Variants in REEP5 observed in about 807,000 individuals in gnomAD.
REEP5 encodes the protein receptor accessory protein 5, also known as receptor expression-enhancing protein 5.
In REEP5, 24 loss-of-function variants were observed where a neutral mutation model predicts 22.4. The observed-to-expected ratio is 1.07, with a 90% confidence interval of 0.78 to 1.51. The LOEUF is 1.51. Ranked by LOEUF, REEP5 falls within the 40% of genes most tolerant of loss-of-function variation. The pLI is 0.00. For synonymous variants in REEP5, 103 were observed against 88.6 expected (o/e 1.16, Z -0.92); for missense variants, 252 against 233.0 (o/e 1.08, Z -0.53).
chr5:112,893,077 TA>T, intron 3 of REEP5: 1 of 797,482 alleles, frequency 1.3e-6, no homozygotes. Flanking sequence ...CCAATCCAAA[TA>T]AACTAGTTTT....
chr5:112,880,116 A>G (rs1176595037), intron 4 of REEP5, among the ~76,000 whole-genome samples: 2 of 152,170 alleles, frequency 1.3e-5, no homozygotes, highest in Non-Finnish European at 2.9e-5. Flanking sequence ...TACATTCATC[A>G]AGAAAACATT....
At position 112,891,382 on chromosome 5, in the gene REEP5, T is replaced by G. The variant is rs145871305; in HGVS notation, c.352-4199A>C. ...GCCACCGCACCTGGCCATAAGTAAA[T>G]ATTTTAGAACTCTCCTTTTAGTACA... On this transcript the variant is annotated intron_variant, in intron 3 of 4. Coordinates refer to ENST00000379638, the MANE Select transcript of REEP5 (RefSeq NM_005669.5). Among the ~76,000 whole-genome samples, 620 of 152,214 alleles carry G rather than the reference T, an allele frequency of 4.1e-3. 2 individuals carry two copies. The highest frequency in any genetic ancestry group is 0.014 in the African/African-American group (597 of 41,524).
At chr5:112,891,623 C>T in intron 3 of REEP5, 1 of 1,586,112 alleles carries the variant, frequency 6.3e-7, no homozygotes. Flanking sequence ...TCTGAGGGGT[C>T]AGGCGGTGCT....
intron 2 of REEP5, among the ~76,000 whole-genome samples, chr5:112,914,268 G>A (rs1769183479): frequency 6.7e-6 from 1 of 149,796 alleles, no homozygotes; most frequent in Non-Finnish European, 1.5e-5. Flanking sequence ...GTGTTTTTTT[G>A]AGACAGGGTC....
intron 3 of REEP5, among the ~76,000 whole-genome samples, chr5:112,900,892 C>CA (rs1345808469): frequency 6.6e-6 from 1 of 151,246 alleles, no homozygotes; most frequent in Non-Finnish European, 1.5e-5. Flanking sequence ...GGCTGGAGTG[C>CA]AGTAGTGTGA....
Position 112,914,390 on chromosome 5 carries a change from C to T in REEP5, c.212+6773G>A, listed in dbSNP as rs1223917798. Reference sequence around the variant, plus strand: ...TCAGCTTCTGGAGTAGCTGGGACTACAGGCGTGTACTAATTTTTTGTATTT... The same window carrying T: ...TCAGCTTCTGGAGTAGCTGGGACTATAGGCGTGTACTAATTTTTTGTATTT... On this transcript the variant is annotated intron_variant, in intron 2 of 4. Transcript: ENST00000379638. Among the ~76,000 whole-genome samples the T allele has an allele frequency of 1.1e-4, 17 of 151,800 alleles. No individual in the cohort carries two copies. The East Asian group carries it at 3.2e-3, about 28-fold the overall frequency.
chr5:112,878,186 G>GTAT lies in REEP5; in HGVS notation c.*597_*599dup, dbSNP rs1180048070. On this transcript the variant is annotated 3_prime_UTR_variant, in exon 5 of 5. Coordinates refer to ENST00000379638, the MANE Select transcript of REEP5 (RefSeq NM_005669.5). The stretch of plus-strand genomic sequence containing the variant: ...GCATATTAATCACGTATTTCCTAAA[G>GTAT]TATTATTTAGTAGACCACACCAGCA... 1 of 152,618 alleles carries GTAT rather than the reference G, an allele frequency of 6.6e-6. No homozygotes were observed. The highest frequency in any genetic ancestry group is 1.5e-5 in the Non-Finnish European group (1 of 68,088). The allele number at this position is 152,618 out of a possible 1,614,324, so 9.5% of individuals were successfully genotyped here.
chr5:112,882,371 C>T (rs889623836), intron 4 of REEP5, among the ~76,000 whole-genome samples: 2 of 152,176 alleles, frequency 1.3e-5, no homozygotes, highest in Non-Finnish European at 2.9e-5. Context: ...CAGAGTTCTT[C>T]CACCACCACT....
chr5:112,901,411 T>C (rs776803502), intron 3 of REEP5, among the ~76,000 whole-genome samples: 1 of 152,052 alleles, frequency 6.6e-6, no homozygotes, highest in Non-Finnish European at 1.5e-5. Flanking sequence ...AGTTGAAAAT[T>C]AGATGGTCAG....
intron 3 of REEP5, chr5:112,895,297 T>C (rs958413268): frequency 7.0e-6 from 1 of 143,688 alleles, no homozygotes; most frequent in Non-Finnish European, 1.5e-5. Context: ...TTTAGGCAAA[T>C]CAACCTAAGA....
intron 2 of REEP5, among the ~76,000 whole-genome samples, chr5:112,905,813 G>C (rs926115239): frequency 6.6e-6 from 1 of 151,904 alleles, no homozygotes; most frequent in African/African-American, 2.4e-5. Context: ...ATAAAGACGG[G>C]GTTTTGCCTT....
intron 4 of REEP5, among the ~76,000 whole-genome samples, chr5:112,881,501 C>T (rs1010042967): frequency 2.6e-5 from 4 of 152,214 alleles, no homozygotes; most frequent in Admixed American, 6.5e-5. Context: ...GTTTCCTTTA[C>T]CTTCTTGCTC....
intron 3 of REEP5, among the ~76,000 whole-genome samples, chr5:112,899,507 TTTCATTCCATTTA>T: frequency 6.6e-6 from 1 of 152,318 alleles, no homozygotes; most frequent in Non-Finnish European, 1.5e-5. Flanking sequence ...TATGGATCTA[TTTCATTCCATTTA>T]ACTGTATGGA....
intron 3 of REEP5, chr5:112,894,055 G>T (rs962683377): frequency 2.0e-5 from 3 of 152,006 alleles, no homozygotes; most frequent in Non-Finnish European, 4.4e-5. Flanking sequence ...AGCAGACCCT[G>T]CAAGACCACC....
At chr5:112,902,350 G>A in intron 3 of REEP5, 30 bp downstream of exon 3, 1 of 1,588,232 alleles carries the variant, frequency 6.3e-7, no homozygotes, top group East Asian at 2.2e-5. Context: ...GTACTGAGAT[G>A]GAGTTTTAGT....
chr5:112,904,641 G>A (rs968863034), intron 2 of REEP5, among the ~76,000 whole-genome samples: 4 of 151,908 alleles, frequency 2.6e-5, no homozygotes, highest in African/African-American at 7.3e-5. Context: ...CACAACCCTC[G>A]GTAAGCATAC....
chr5:112,889,829 A>ATTT (rs35932072), intron 3 of REEP5, among the ~76,000 whole-genome samples: 4 of 139,286 alleles, frequency 2.9e-5, no homozygotes, highest in African/African-American at 5.5e-5. Flanking sequence ...GAAAAAAAAA[A>ATTT]TTTTTTTTTT....
In REEP5 at chr5:112,877,979, CTCTGTGTGTG is replaced by C. The variant is rs1459933883; in HGVS notation, c.*797_*806del. 8.7e-5 allele frequency: 10 copies of C among 115,478 alleles called. No individual in the cohort carries two copies. Among genetic ancestry groups the C allele is most frequent in the Middle Eastern group, 7.9e-3 (2 of 252 alleles). The allele number at this position is 115,478 out of a possible 1,614,324, so 7.2% of individuals were successfully genotyped here. A position where few individuals can be genotyped will look rare whatever the true frequency, so the allele number is the denominator to read the frequency against. ...TCAGGGAATTGAGAGTTACAGGTTA[CTCTGTGTGTG>C]TGTGTGTGTGTGTGTGTGTGTGTGT... is the stretch of plus-strand genomic sequence containing the variant. On this transcript the variant is annotated 3_prime_UTR_variant, in exon 5 of 5. Coordinates refer to ENST00000379638, the MANE Select transcript of REEP5 (RefSeq NM_005669.5).
At position 112,876,472 on chromosome 5, in the gene REEP5, G is replaced by A. The variant is rs1243302892; in HGVS notation, c.*2314C>T. ...GATAGGTGATAACAGTGTGAAGGGT[G>A]TGCTCATTTTCTTCAGCTGTGAGTA... On this transcript the variant is annotated 3_prime_UTR_variant, in exon 5 of 5. Coordinates refer to ENST00000379638, the MANE Select transcript of REEP5 (RefSeq NM_005669.5). The A allele has an allele frequency of 6.6e-6, 1 of 152,188 alleles. No homozygotes were observed. Among genetic ancestry groups the A allele is most frequent in the Admixed American group, 6.5e-5 (1 of 15,280 alleles). 9.4% of individuals were successfully genotyped at this position (152,188 alleles called of 1,614,324 possible).
Sources: allele counts gnomAD v4.1 joint callset (sites outside exome capture counted in the v4.1 genomes callset), GRCh38; gene constraint gnomAD v4.1.1; transcripts MANE v1.5; gene names NCBI Gene and HGNC (gene_info 2026-07-23, HGNC 2026-07-21).